TAF12: variants seen among roughly 807,000 people sequenced by gnomAD.
TAF12 encodes the protein TATA-box binding protein associated factor 12.
Under a neutral mutation model 20.8 loss-of-function variants are expected in TAF12, and 3 were observed. That is an observed-to-expected ratio of 0.14 (90% confidence interval 0.07 to 0.37). The LOEUF is 0.37. Ranked by LOEUF, TAF12 falls within the 10% of genes least tolerant of loss-of-function variation. TAF12 has a pLI of 1.00. For synonymous variants in TAF12, 69 were observed against 70.2 expected, an observed-to-expected ratio of 0.98 and a Z score of 0.09; for missense variants, 131 against 197.9, an observed-to-expected ratio of 0.66 and a Z score of 2.03.
chr1:28,645,233 C>T (rs1389663616), upstream of TAF12, among the ~76,000 whole-genome samples: 2 of 151,070 alleles, frequency 1.3e-5, no homozygotes, highest in Non-Finnish European at 3.0e-5. Context: ...GATGGGGTTT[C>T]ACCATGTTAG....
rs543543361 is a variant in TAF12, at chr1:28,622,158, C to A, written c.-77G>T. 1.3e-6 allele frequency: 2 copies of A among 1,515,266 alleles called. No homozygotes were observed. Among genetic ancestry groups the A allele is most frequent in the East Asian group, 4.7e-5 (2 of 42,934 alleles). The allele number at this position is 1,515,266 out of a possible 1,614,324, so 93.9% of individuals were successfully genotyped here. ...CTTTTTGGAGCTGTGAGGACCAAGGCCAATTAACTGGAGAAGAAAAGCACA... is the reference window on the plus strand; with the variant it reads ...CTTTTTGGAGCTGTGAGGACCAAGGACAATTAACTGGAGAAGAAAAGCACA... On this transcript the variant is annotated 5_prime_UTR_variant, in exon 2 of 6. Transcript: ENST00000373824.
Position 28,622,152 on chromosome 1 carries a change from C to A in TAF12, c.-71G>T. ...CTGTTTCTTTTTGGAGCTGTGAGGACCAAGGCCAATTAACTGGAGAAGAAA... is the reference window on the plus strand; with the variant it reads ...CTGTTTCTTTTTGGAGCTGTGAGGAACAAGGCCAATTAACTGGAGAAGAAA... On this transcript the variant is annotated 5_prime_UTR_variant, in exon 2 of 6. Transcript: ENST00000373824. 6.6e-7 allele frequency: 1 copy of A among 1,525,870 alleles called. No homozygotes were observed. The highest frequency in any genetic ancestry group is 8.7e-7 in the Non-Finnish European group (1 of 1,143,490). The allele number at this position is 1,525,870 out of a possible 1,614,324, so 94.5% of individuals were successfully genotyped here.
At chr1:28,645,920 A>G (rs1668174012), upstream of TAF12, among the ~76,000 whole-genome samples, 1 of 151,628 alleles carries the variant, frequency 6.6e-6, no homozygotes, top group Non-Finnish European at 1.5e-5. Flanking sequence ...GCGAGCCGAG[A>G]TCGTGCCACT....
intron 1 of TAF12, 142 bp downstream of exon 1, chr1:28,642,850 G>A: frequency 1.0e-6 from 1 of 985,910 alleles, no homozygotes; most frequent in Non-Finnish European, 1.2e-6. Context: ...GATCCTCTCA[G>A]TCAGTCCCTT....
intron 4 of TAF12, among the ~76,000 whole-genome samples, chr1:28,607,734 G>T (rs964800496): frequency 6.6e-6 from 1 of 151,980 alleles, no homozygotes; most frequent in African/African-American, 2.4e-5. Flanking sequence ...CAACTACTTG[G>T]GAGTCTAAGG....
chr1:28,638,787 A>ATTT (rs759099050), intron 1 of TAF12, among the ~76,000 whole-genome samples: 18 of 101,828 alleles, frequency 1.8e-4, no homozygotes, highest in East Asian at 2.9e-4. Context: ...CACCTGGCCT[A>ATTT]TTTTTTTTTT....
chr1:28,635,429 C>T (rs1415909746), intron 1 of TAF12, among the ~76,000 whole-genome samples: 1 of 150,782 alleles, frequency 6.6e-6, no homozygotes, highest in Non-Finnish European at 1.5e-5. Flanking sequence ...TCTCAGCCTC[C>T]TGAGTAGCTG....
chr1:28,612,532 TTATA>T (rs1160238152), intron 4 of TAF12, among the ~76,000 whole-genome samples: 3 of 145,928 alleles, frequency 2.1e-5, no homozygotes, highest in Admixed American at 1.4e-4. Flanking sequence ...TATATATAAA[TTATA>T]TATAAATATA....
Position 28,605,383 on chromosome 1 carries a change from C to T in TAF12, c.439G>A (p.Ala147Thr). The change falls in exon 5 of 6, where the codon GCT becomes ACT. Residue 147 changes from alanine to threonine, a missense_variant. This residue lies in a region of TAF12 where 60 missense variants were observed against 90.2 expected (regional missense o/e 0.66). Coordinates refer to ENST00000373824, the MANE Select transcript of TAF12 (RefSeq NM_005644.4). ...TGGCATTTCCTCACCTGTTTGTGAG[C>T]TTCTGTGGTGCAAGCTTTTTTGTAG... ...RPYKKACTTE[A>T]HKQRMALIRK... 6.2e-7 allele frequency: 1 copy of T among 1,614,088 alleles called. No individual in the cohort carries two copies. The highest frequency in any genetic ancestry group is 8.5e-7 in the Non-Finnish European group (1 of 1,180,014).
intron 1 of TAF12, among the ~76,000 whole-genome samples, chr1:28,623,051 A>C (rs899938197): frequency 1.3e-5 from 2 of 151,820 alleles, no homozygotes; most frequent in East Asian, 1.9e-4. Context: ...AAAAAAACAA[A>C]ACACAAAAAA....
chr1:28,621,463 C>T (rs1234128466), intron 2 of TAF12, among the ~76,000 whole-genome samples: 2 of 152,000 alleles, frequency 1.3e-5, no homozygotes, highest in Non-Finnish European at 2.9e-5. Flanking sequence ...AATAATGAAT[C>T]AATTTATTAT....
chr1:28,641,272 A>C (rs1441825045), intron 1 of TAF12, among the ~76,000 whole-genome samples: 8 of 152,010 alleles, frequency 5.3e-5, no homozygotes, highest in Non-Finnish European at 8.8e-5. Context: ...ACTTGAGATC[A>C]GGAGTTCGAA....
At chr1:28,643,075 C>A, upstream of TAF12, 3 of 985,922 alleles carry the variant, frequency 3.0e-6, no homozygotes, top group Non-Finnish European at 3.6e-6. Flanking sequence ...ACTGCGCGGC[C>A]CTCCCCGACT....
At chr1:28,628,105 C>A (rs1667480307) in intron 1 of TAF12, among the ~76,000 whole-genome samples, 1 of 151,720 alleles carries the variant, frequency 6.6e-6, no homozygotes, top group Admixed American at 6.6e-5. Flanking sequence ...AGGAAAAACA[C>A]TGTACTACTA....
At position 28,627,025 on chromosome 1, in the gene TAF12, T is replaced by A. The variant is rs1386903651; in HGVS notation, c.-84-4860A>T. On this transcript the variant is annotated intron_variant, in intron 1 of 5. Coordinates refer to ENST00000373824, the MANE Select transcript of TAF12 (RefSeq NM_005644.4). ...AGGATTTTTTTTTCTTTTTTTGTTG[T>A]TTCCAGTGAAGTTGGATGAAATTAG... is the stretch of plus-strand genomic sequence containing the variant. 2.6e-5 allele frequency among the ~76,000 whole-genome samples: 4 copies of A among 152,198 alleles called. No homozygotes were observed. The South Asian group carries it at 8.3e-4, about 31-fold the overall frequency.
At position 28,605,259 on chromosome 1, in the gene TAF12, G is replaced by A. The variant is rs3795844; in HGVS notation, c.450+113C>T. ...TCTGACCCTTGCTCCAGAGAGTGAA[G>A]TTTGCTGTGTGGAGGAAGCGAGGCC... On this transcript the variant is annotated intron_variant, in intron 5 of 5. Coordinates refer to ENST00000373824, the MANE Select transcript of TAF12 (RefSeq NM_005644.4). The A allele has an allele frequency of 1.4e-3, 1,479 of 1,074,898 alleles. 33 individuals carry two copies. In the East Asian group the frequency reaches 0.034, roughly 25 times the overall value. The allele number at this position is 1,074,898 out of a possible 1,614,324, so 66.6% of individuals were successfully genotyped here.
At position 28,603,391 on chromosome 1, in the gene TAF12, A is replaced by G. The variant is rs1170406929; in HGVS notation, c.*148T>C. On this transcript the variant is annotated 3_prime_UTR_variant, in exon 6 of 6. Transcript: ENST00000373824. ...CTTTATTCTTTTGGCAGATCCTCTC[A>G]GTCATTATAGATATTGCTGCACTGT... 9 of 760,222 alleles carry G rather than the reference A, an allele frequency of 1.2e-5. No individual in the cohort carries two copies. The highest frequency in any genetic ancestry group is 1.7e-5 in the Non-Finnish European group (8 of 474,972). The allele number at this position is 760,222 out of a possible 1,614,324, so 47.1% of individuals were successfully genotyped here.
intron 1 of TAF12, among the ~76,000 whole-genome samples, chr1:28,637,098 G>A (rs1230684763): frequency 1.3e-5 from 2 of 152,234 alleles, no homozygotes; most frequent in South Asian, 4.1e-4. Flanking sequence ...CAGAAGAATG[G>A]TGGATTGGAA....
chr1:28,644,109 G>A (rs1668125893), upstream of TAF12, among the ~76,000 whole-genome samples: 1 of 151,946 alleles, frequency 6.6e-6, no homozygotes. Context: ...TGTTAGGCAT[G>A]CAAGTAAGAC....
Sources: allele counts gnomAD v4.1 joint callset (sites outside exome capture counted in the v4.1 genomes callset), GRCh38; gene constraint gnomAD v4.1.1; regional missense constraint gnomAD v4.1.1; transcripts MANE v1.5; gene names NCBI Gene and HGNC (gene_info 2026-07-23, HGNC 2026-07-21).